UNC5B: variants seen among roughly 807,000 people sequenced by gnomAD.
UNC5B encodes unc-5 netrin receptor B, also known as netrin receptor UNC5B.
UNC5B carries 56 observed loss-of-function variants against 103.7 expected under a neutral mutation model. The observed-to-expected ratio is 0.54, with a 90% CI of 0.44 to 0.67. The LOEUF is 0.67. Among genes scored for constraint, UNC5B ranks in the 30% least tolerant of loss-of-function variants. The pLI is 0.00. For missense variants in UNC5B, 1,194 were observed against 1,284.5 expected, an observed-to-expected ratio of 0.93 and a Z score of 1.08; for synonymous variants, 577 against 542.0, an observed-to-expected ratio of 1.06 and a Z score of -0.90.
chr10:71,278,552 T>C lies in UNC5B; in HGVS notation c.80-1269T>C, dbSNP rs188143469. On this transcript the variant is annotated intron_variant, in intron 1 of 16. Coordinates refer to ENST00000335350, the MANE Select transcript of UNC5B (RefSeq NM_170744.5). ...GCTCCCCAGTCTCAGCATGGTCTCC[T>C]GGTCCACAAAGAGAAAGCATAGTCA... 7.9e-5 allele frequency among the ~76,000 whole-genome samples: 12 copies of C among 152,330 alleles called. No homozygotes were observed. In the East Asian group the frequency reaches 2.1e-3, roughly 27 times the overall value.
intron 1 of UNC5B, among the ~76,000 whole-genome samples, chr10:71,225,015 G>A (rs948562532): frequency 6.6e-6 from 1 of 152,178 alleles, no homozygotes; most frequent in Non-Finnish European, 1.5e-5. Flanking sequence ...TATCAGCGAG[G>A]GGAGAGCCTG....
At chr10:71,250,536 G>A (rs1178731646) in intron 1 of UNC5B, among the ~76,000 whole-genome samples, 1 of 152,234 alleles carries the variant, frequency 6.6e-6, no homozygotes, top group Non-Finnish European at 1.5e-5. Context: ...TTTATCTCAG[G>A]TGGCTGTTTT....
chr10:71,248,357 G>A (rs1336851540), intron 1 of UNC5B, among the ~76,000 whole-genome samples: 1 of 152,096 alleles, frequency 6.6e-6, no homozygotes, highest in African/African-American at 2.4e-5. Flanking sequence ...ACAGCGCCCT[G>A]GAGAAAAGCC....
chr10:71,280,323 A>G (rs1192625190), intron 2 of UNC5B, among the ~76,000 whole-genome samples: 1 of 152,046 alleles, frequency 6.6e-6, no homozygotes, highest in Non-Finnish European at 1.5e-5. Flanking sequence ...CCTCCCAAAC[A>G]CCTGCTAATC....
At chr10:71,293,062 G>A (rs1845308112) in intron 11 of UNC5B, among the ~76,000 whole-genome samples, 1 of 152,316 alleles carries the variant, frequency 6.6e-6, no homozygotes, top group African/African-American at 2.4e-5. Context: ...ATGGCCTTCT[G>A]TGGCACGTGG....
At chr10:71,272,838 C>G (rs972870025) in intron 1 of UNC5B, among the ~76,000 whole-genome samples, 2 of 152,120 alleles carry the variant, frequency 1.3e-5, no homozygotes, top group African/African-American at 4.8e-5. Flanking sequence ...AGCTAGAGAA[C>G]AGCTCCTGCC....
Position 71,288,940 on chromosome 10 carries a change from C to G in UNC5B, c.1067-18C>G. Reference sequence around the variant, plus strand: ...CTGTCACCTATGTCATTGTCTTTCCCTTTATTTCCCTTGACAGATAAGAAA... The same window carrying G: ...CTGTCACCTATGTCATTGTCTTTCCGTTTATTTCCCTTGACAGATAAGAAA... On this transcript the variant is annotated intron_variant, in intron 7 of 16. Transcript: ENST00000335350. 1 of 1,611,094 alleles carries G rather than the reference C, an allele frequency of 6.2e-7. No individual in the cohort carries two copies. Among genetic ancestry groups the G allele is most frequent in the Non-Finnish European group, 8.5e-7 (1 of 1,177,740 alleles).
At chr10:71,291,144 A>G (rs1219936321) in intron 9 of UNC5B, 35 bp downstream of exon 9, 2 of 1,593,976 alleles carry the variant, frequency 1.3e-6, no homozygotes, top group African/African-American at 2.7e-5. Flanking sequence ...TGGTTGGCAG[A>G]GGCAGGATAC....
intron 1 of UNC5B, among the ~76,000 whole-genome samples, chr10:71,249,590 G>C (rs1289429192): frequency 6.6e-6 from 1 of 152,170 alleles, no homozygotes; most frequent in Non-Finnish European, 1.5e-5. Flanking sequence ...TGAGAATGTG[G>C]CTTTCCAGCT....
rs1450195696 is a variant in UNC5B at position 71,291,746 on chromosome 10, C to T, written c.1609C>T (p.Leu537=). The T allele has an allele frequency of 6.2e-7, 1 of 1,611,030 alleles. No individual in the cohort carries two copies. The highest frequency in any genetic ancestry group is 1.3e-5 in the African/African-American group (1 of 75,062). The change falls in exon 10 of 17, where the codon CTG becomes TTG. Residue 537 remains leucine, a synonymous_variant. Coordinates refer to ENST00000335350, the MANE Select transcript of UNC5B (RefSeq NM_170744.5). The part of the protein sequence containing the change: ...ASLGSQQLLG[L]PRDPGSSVSG... ...CCTCGGTTCCCAGCAGCTCTTGGGC[C>T]TGCCCCGAGACCCAGGGAGCAGCGT...
rs183497990 is a variant in UNC5B at position 71,221,597 on chromosome 10, T to C, written c.79+8533T>C. Among the ~76,000 whole-genome samples the C allele has an allele frequency of 1.1e-3, 171 of 152,356 alleles. 1 individual carries two copies. Among genetic ancestry groups the C allele is most frequent in the Non-Finnish European group, 6.3e-4 (43 of 68,042 alleles). The stretch of plus-strand genomic sequence containing the variant: ...AGCTTAAAAACCATGGGCCTGACTC[T>C]TGAAGAACTGATGGGCTTTGTGCTG... On this transcript the variant is annotated intron_variant, in intron 1 of 16. Coordinates refer to ENST00000335350, the MANE Select transcript of UNC5B (RefSeq NM_170744.5).
chr10:71,260,671 C>T (rs373403375), intron 1 of UNC5B, among the ~76,000 whole-genome samples: 1 of 152,232 alleles, frequency 6.6e-6, no homozygotes, highest in African/African-American at 2.4e-5. Context: ...AGGCCGTCCT[C>T]ATTAAAGAGC....
intron 1 of UNC5B, among the ~76,000 whole-genome samples, chr10:71,255,628 T>C (rs1844273316): frequency 6.6e-6 from 1 of 152,252 alleles, no homozygotes; most frequent in Non-Finnish European, 1.5e-5. Flanking sequence ...AGATCTGGAA[T>C]GAGCGGAAGC....
At chr10:71,255,357 C>T (rs1255022367) in intron 1 of UNC5B, among the ~76,000 whole-genome samples, 4 of 152,176 alleles carry the variant, frequency 2.6e-5, no homozygotes, top group East Asian at 1.9e-4. Context: ...ATGCAAGTGT[C>T]GTCACCAAGT....
At position 71,279,906 on chromosome 10, in the gene UNC5B, G is replaced by A. The variant is rs758554511; in HGVS notation, c.165G>A (p.Gln55=). 6.3e-5 allele frequency: 101 copies of A among 1,613,910 alleles called. 1 individual carries two copies. The South Asian group carries it at 6.5e-4, about 10-fold the overall frequency. The change falls in exon 2 of 17, where the codon CAG becomes CAA. Residue 55 remains glutamine, a synonymous_variant. Coordinates refer to ENST00000335350, the MANE Select transcript of UNC5B (RefSeq NM_170744.5). Reference sequence around the variant, plus strand: ...TGCCCTACTTCCTGCAGGAGCCACAGGACGCCTACATTGTGAAGAACAAGC... The same window carrying A: ...TGCCCTACTTCCTGCAGGAGCCACAAGACGCCTACATTGTGAAGAACAAGC... ...EPLPYFLQEP[Q]DAYIVKNKPV...
chr10:71,293,944 C>T lies in UNC5B; in HGVS notation c.2175+11C>T. On this transcript the variant is annotated intron_variant, in intron 13 of 16. Coordinates refer to ENST00000335350, the MANE Select transcript of UNC5B (RefSeq NM_170744.5). The stretch of plus-strand genomic sequence containing the variant: ...CCTGTAGCACTGAAGGTAGGGCCAG[C>T]TGCAGGTGCCCACACAGCCCTGGCC... The T allele has an allele frequency of 6.3e-7, 1 of 1,580,562 alleles. No individual in the cohort carries two copies.
chr10:71,213,726 AGAGT>A lies in UNC5B; in HGVS notation c.79+664_79+667del, dbSNP rs1589143003. ...TTATTATTAATTTTCTGAGTGTTGG[AGAGT>A]GTGTGTGTGTGTGTGTGTGTGTGTG... On this transcript the variant is annotated intron_variant, in intron 1 of 16. Transcript: ENST00000335350. This position sits in a 1 kb window ranked among gnomAD's most constrained non-coding sequence, Gnocchi z 4.1. 1.2e-5 allele frequency among the ~76,000 whole-genome samples: 1 copy of A among 81,860 alleles called. No homozygotes were observed. Among genetic ancestry groups the A allele is most frequent in the African/African-American group, 5.3e-5 (1 of 19,012 alleles). 53.7% of individuals were successfully genotyped at this position (81,860 alleles called of 152,430 possible).
intron 1 of UNC5B, among the ~76,000 whole-genome samples, chr10:71,219,661 A>G (rs1843412356): frequency 6.6e-6 from 1 of 152,078 alleles, no homozygotes; most frequent in South Asian, 2.1e-4. Flanking sequence ...TCAAGTTGAC[A>G]CTCAGTATTA....
At chr10:71,218,090 T>C (rs1843375290) in intron 1 of UNC5B, 1 of 147,926 alleles carries the variant, frequency 6.8e-6, no homozygotes, top group South Asian at 2.2e-4. Flanking sequence ...GGTGAGAATG[T>C]GTATTAAGCA....
Sources: gnomAD v4.1 joint callset for allele counts (sites outside exome capture counted in the v4.1 genomes callset) on GRCh38, gnomAD v4.1.1 for gene constraint, Gnocchi (gnomAD v3.1) non-coding constraint, MANE v1.5 for transcripts, NCBI Gene and HGNC (gene_info 2026-07-23, HGNC 2026-07-21) for gene names.